C17orf99: variants seen among roughly 807,000 people sequenced by gnomAD.
C17orf99 encodes protein IL-40.
A neutral mutation model predicts 22.6 loss-of-function variants in C17orf99; 18 were observed. The ratio of observed to expected loss-of-function variants is 0.80; its 90% confidence interval spans 0.55 to 1.18. The LOEUF (loss-of-function observed/expected upper bound fraction) is 1.18. Among genes scored for constraint, C17orf99 ranks in the 50% most tolerant of loss-of-function variants. The pLI is 0.00. For missense variants in C17orf99, 328 were observed against 342.7 expected (o/e 0.96, Z 0.34); for synonymous variants, 147 against 136.6 (o/e 1.08, Z -0.53).
chr17:78,165,797 C>T (rs866154332), intron 4 of C17orf99, 92 bp from the exon 5 acceptor site: 7 of 1,264,464 alleles, frequency 5.5e-6, no homozygotes, highest in South Asian at 3.4e-5. Flanking sequence ...AGCAAAACTC[C>T]GTCTCAAAAC....
At chr17:78,160,477 G>A (rs1026976035) in intron 2 of C17orf99, among the ~76,000 whole-genome samples, 4 of 151,396 alleles carry the variant, frequency 2.6e-5, no homozygotes, top group Non-Finnish European at 5.9e-5. Flanking sequence ...CGAAGGTTGT[G>A]GTGAGCAGAG....
At chr17:78,152,117 G>C (rs945406580) in intron 2 of C17orf99, among the ~76,000 whole-genome samples, 2 of 152,150 alleles carry the variant, frequency 1.3e-5, no homozygotes, top group Non-Finnish European at 2.9e-5. Flanking sequence ...CAAATTTTGA[G>C]TGTGCCATCC....
At chr17:78,161,679 A>G (rs1396347649) in intron 3 of C17orf99, among the ~76,000 whole-genome samples, 2 of 152,128 alleles carry the variant, frequency 1.3e-5, no homozygotes, top group East Asian at 3.9e-4. Context: ...CCCTGTTCCT[A>G]CTAAAATTAC....
At chr17:78,145,806 T>A (rs1283830395), upstream of C17orf99, among the ~76,000 whole-genome samples, 2 of 150,254 alleles carry the variant, frequency 1.3e-5, no homozygotes, top group Non-Finnish European at 3.0e-5. Flanking sequence ...TTTTTTTTTT[T>A]TTTTTTTGAG....
At chr17:78,149,632 T>A (rs555081795) in intron 2 of C17orf99, among the ~76,000 whole-genome samples, 1 of 152,218 alleles carries the variant, frequency 6.6e-6, no homozygotes, top group Non-Finnish European at 1.5e-5. Context: ...CGCCAGGGCT[T>A]AATCAATCCT....
chr17:78,160,888 G>T, intron 2 of C17orf99, 67 bp from the exon 3 acceptor site: 1 of 1,374,568 alleles, frequency 7.3e-7, no homozygotes, highest in Non-Finnish European at 9.9e-7. Flanking sequence ...GGCCAAACCA[G>T]TACCTTCTTA....
chr17:78,160,289 G>C (rs977103890), intron 2 of C17orf99, among the ~76,000 whole-genome samples: 2 of 152,144 alleles, frequency 1.3e-5, no homozygotes, highest in Non-Finnish European at 2.9e-5. Context: ...TGTAATCCCA[G>C]CACTTTGGGA....
At chr17:78,162,453 G>A (rs1029077163) in intron 3 of C17orf99, among the ~76,000 whole-genome samples, 18 of 151,686 alleles carry the variant, frequency 1.2e-4, no homozygotes, top group African/African-American at 3.9e-4. Context: ...AGTGTTGCCC[G>A]ACTTAGGGTG....
At chr17:78,154,221 G>A (rs2075508044) in intron 2 of C17orf99, among the ~76,000 whole-genome samples, 1 of 151,498 alleles carries the variant, frequency 6.6e-6, no homozygotes, top group Non-Finnish European at 1.5e-5. Context: ...CACTGTGCCA[G>A]GCCTGAAAAA....
chr17:78,150,931 T>C (rs764890044), intron 2 of C17orf99, among the ~76,000 whole-genome samples: 5 of 151,958 alleles, frequency 3.3e-5, no homozygotes, highest in Non-Finnish European at 5.9e-5. Flanking sequence ...AAGACCAGCC[T>C]GGCCAACATG....
At chr17:78,159,546 C>T (rs915678279) in intron 2 of C17orf99, among the ~76,000 whole-genome samples, 9 of 146,660 alleles carry the variant, frequency 6.1e-5, no homozygotes, top group African/African-American at 1.8e-4. Context: ...GGCTGAGGCA[C>T]GAGAATCTCT....
At chr17:78,160,029 G>A (rs1405147022) in intron 2 of C17orf99, 2 of 454,442 alleles carry the variant, frequency 4.4e-6, no homozygotes, top group Admixed American at 2.4e-5. Context: ...CCATGAGCGT[G>A]TGTGTACAGG....
chr17:78,157,713 C>A, intron 2 of C17orf99: 1 of 447,264 alleles, frequency 2.2e-6, no homozygotes. Flanking sequence ...AGGAGAATGG[C>A]GTAAACCCGG....
At chr17:78,164,038 G>C (rs1476263353) in intron 3 of C17orf99, 57 bp from the exon 4 acceptor site, 3 of 1,385,406 alleles carry the variant, frequency 2.2e-6, no homozygotes, top group South Asian at 2.5e-5. Context: ...ACTTACTGAG[G>C]AGGAGGGGTT....
At chr17:78,164,894 A>T in intron 4 of C17orf99, 2 of 1,172,580 alleles carry the variant, frequency 1.7e-6, no homozygotes, top group Non-Finnish European at 2.1e-6. Flanking sequence ...GACCCTGACC[A>T]GTGCTCCCAG....
chr17:78,163,759 G>C (rs143420932), intron 3 of C17orf99, among the ~76,000 whole-genome samples: 1 of 152,176 alleles, frequency 6.6e-6, no homozygotes, highest in Non-Finnish European at 1.5e-5. Context: ...CTAGCTACTC[G>C]GGAGGCTGAG....
chr17:78,163,203 G>C (rs1490218894), intron 3 of C17orf99, among the ~76,000 whole-genome samples: 3 of 152,136 alleles, frequency 2.0e-5, no homozygotes, highest in South Asian at 2.1e-4. Context: ...GCAGTGAGCG[G>C]TGATCACACC....
chr17:78,164,351 A>C lies in C17orf99; in HGVS notation c.627A>C (p.Thr209=). 6.4e-7 allele frequency: 1 copy of C among 1,551,442 alleles called. No individual in the cohort carries two copies. Among genetic ancestry groups the C allele is most frequent in the Non-Finnish European group, 8.7e-7 (1 of 1,146,976 alleles). ...NNANVQHSAL[T]VVPPGGDQKM... is the part of the protein sequence containing the mutation. ...CCAATGTCCAGCACAGCGCCCTCAC[A>C]GTGGTGCCCCCAGGTGAGAGGGCCC... Residue 209 remains threonine, a synonymous_variant, in exon 4 of 5, where the codon ACA becomes ACC. Coordinates refer to ENST00000340363, the MANE Select transcript of C17orf99 (RefSeq NM_001163075.2).
rs2075586432 is a variant in C17orf99 at position 78,162,559 on chromosome 17, CG to C, written c.370+1308del. Among the ~76,000 whole-genome samples the C allele has an allele frequency of 2.0e-5, 3 of 152,214 alleles. No individual in the cohort carries two copies. The South Asian group carries it at 6.2e-4, about 32-fold the overall frequency. ...GATGAGCCCAGGATCTGCAGCCCAA[CG>C]GGTCCAAGGTTCAAATCCCTACACT... On this transcript the variant is annotated intron_variant, in intron 3 of 4. Transcript: ENST00000340363.
Sources: gnomAD v4.1 joint callset for allele counts (sites outside exome capture counted in the v4.1 genomes callset) on GRCh38, gnomAD v4.1.1 for gene constraint, MANE v1.5 for transcripts, NCBI Gene and HGNC (gene_info 2026-07-23, HGNC 2026-07-21) for gene names.